Variants in TAFA1 observed in about 807,000 individuals in gnomAD.
TAFA1 encodes chemokine-like protein TAFA-1.
A neutral mutation model predicts 18.5 loss-of-function variants in TAFA1; 4 were observed. The observed-to-expected ratio is 0.22, with a 90% CI of 0.11 to 0.49. TAFA1 has a LOEUF of 0.49. Ranked by LOEUF, TAFA1 falls within the 20% of genes least tolerant of loss-of-function variation. The pLI, the probability that TAFA1 is intolerant of heterozygous loss-of-function variation, is 0.98. For missense variants in TAFA1, 147 were observed against 169.0 expected (o/e 0.87, Z 0.72); for synonymous variants, 56 against 55.2 (o/e 1.01, Z -0.06).
intron 3 of TAFA1, among the ~76,000 whole-genome samples, chr3:68,516,440 T>C (rs1233560949): frequency 1.3e-5 from 2 of 152,180 alleles, no homozygotes; most frequent in Admixed American, 1.3e-4. Context: ...TTTTTTAATG[T>C]GAATGCCAAC....
intron 2 of TAFA1, among the ~76,000 whole-genome samples, chr3:68,414,098 A>G (rs1262454066): frequency 6.6e-6 from 1 of 152,132 alleles, no homozygotes; most frequent in Non-Finnish European, 1.5e-5. Context: ...TGAGGTCGGG[A>G]GTTCGAGACC....
At chr3:68,163,244 C>A (rs2065946353) in intron 2 of TAFA1, among the ~76,000 whole-genome samples, 1 of 152,192 alleles carries the variant, frequency 6.6e-6, no homozygotes, top group African/African-American at 2.4e-5. Context: ...GGTGAAAAAT[C>A]ACAGGGTGAC....
chr3:68,357,435 C>T (rs73838720), intron 2 of TAFA1, among the ~76,000 whole-genome samples: 2,349 of 151,920 alleles, frequency 0.015, 55 homozygotes, highest in African/African-American at 0.052. Context: ...TCAAATCTCT[C>T]AGAAAACCAA....
chr3:68,257,437 CT>C (rs113497143), intron 2 of TAFA1, among the ~76,000 whole-genome samples: 2,191 of 142,180 alleles, frequency 0.015, 22 homozygotes, highest in African/African-American at 0.032. Context: ...CGGTGTCCAT[CT>C]TTTTTTTTTT....
intron 3 of TAFA1, among the ~76,000 whole-genome samples, chr3:68,435,611 A>G (rs1002726894): frequency 1.3e-5 from 2 of 152,196 alleles, no homozygotes; most frequent in Non-Finnish European, 2.9e-5. Context: ...TTTTAGGTCA[A>G]TGCTCTGATA....
chr3:68,275,472 G>C (rs2067776533), intron 2 of TAFA1, among the ~76,000 whole-genome samples: 1 of 150,146 alleles, frequency 6.7e-6, no homozygotes, highest in South Asian at 2.1e-4. Context: ...TCAGACTTCA[G>C]ATCATCCAAG....
At chr3:68,088,322 G>A (rs750380282) in intron 2 of TAFA1, among the ~76,000 whole-genome samples, 72 of 152,216 alleles carry the variant, frequency 4.7e-4, no homozygotes, top group Non-Finnish European at 8.8e-4. Flanking sequence ...ATAGATTTTG[G>A]TTTTTTTGAT....
chr3:68,040,084 C>A (rs1705133153), intron 2 of TAFA1, among the ~76,000 whole-genome samples: 1 of 152,144 alleles, frequency 6.6e-6, no homozygotes, highest in African/African-American at 2.4e-5. Context: ...AGGATATGGA[C>A]AGGACATTGA....
At position 68,540,258 on chromosome 3, in the gene TAFA1, C is replaced by T. The variant is rs114337112; in HGVS notation, c.384+1378C>T. Among the ~76,000 whole-genome samples the T allele has an allele frequency of 9.4e-3, 1,436 of 152,114 alleles. 11 individuals carry two copies. The highest frequency in any genetic ancestry group is 0.014 in the Non-Finnish European group (964 of 67,994). On this transcript the variant is annotated intron_variant, in intron 4 of 4. Transcript: ENST00000478136. ...TAAATGGCTATACATTTCCGGCTTG[C>T]GACCAGGAGGAACCTCTGAACCACC...
intron 2 of TAFA1, among the ~76,000 whole-genome samples, chr3:68,188,981 C>A (rs2066305781): frequency 6.6e-6 from 1 of 151,856 alleles, no homozygotes; most frequent in Non-Finnish European, 1.5e-5. Context: ...GACTGGTCAG[C>A]AGTTTTAGAT....
chr3:68,472,602 A>C (rs1370659913), intron 3 of TAFA1, among the ~76,000 whole-genome samples: 4 of 152,232 alleles, frequency 2.6e-5, no homozygotes, highest in Non-Finnish European at 5.9e-5. Flanking sequence ...ATATCTATAG[A>C]TATATATCTA....
intron 3 of TAFA1, among the ~76,000 whole-genome samples, chr3:68,508,989 G>A (rs777244294): frequency 6.6e-6 from 1 of 151,986 alleles, no homozygotes. Flanking sequence ...CAGCAATGAG[G>A]CCAAGAGTCC....
intron 2 of TAFA1, among the ~76,000 whole-genome samples, chr3:68,165,041 A>T (rs1246006287): frequency 1.3e-5 from 2 of 152,208 alleles, no homozygotes; most frequent in African/African-American, 4.8e-5. Context: ...CTCTTTGCAC[A>T]GTTGTTTAAG....
At chr3:68,542,239 C>T (rs941262851) in intron 4 of TAFA1, among the ~76,000 whole-genome samples, 1 of 152,130 alleles carries the variant, frequency 6.6e-6, no homozygotes, top group Admixed American at 6.6e-5. Flanking sequence ...TGGCAACACA[C>T]ACACTTCTGG....
At chr3:68,536,509 G>T (rs1471193815) in intron 3 of TAFA1, among the ~76,000 whole-genome samples, 1 of 152,170 alleles carries the variant, frequency 6.6e-6, no homozygotes, top group African/African-American at 2.4e-5. Context: ...CAACCAGAAA[G>T]CATCGTAAGA....
At chr3:68,146,488 G>A (rs926942579) in intron 2 of TAFA1, among the ~76,000 whole-genome samples, 3 of 152,144 alleles carry the variant, frequency 2.0e-5, no homozygotes, top group Admixed American at 2.0e-4. Context: ...ACACCCAAAG[G>A]ACTGTGGAAT....
chr3:68,178,116 C>A (rs557374066), intron 2 of TAFA1, among the ~76,000 whole-genome samples: 1 of 151,912 alleles, frequency 6.6e-6, no homozygotes, highest in African/African-American at 2.4e-5. Context: ...TGCACTCCAG[C>A]CTGGGTGAGA....
intron 2 of TAFA1, among the ~76,000 whole-genome samples, chr3:68,337,555 A>G (rs1372709151): frequency 4.6e-5 from 7 of 152,196 alleles, no homozygotes; most frequent in Admixed American, 4.6e-4. Context: ...CTATTTGGTG[A>G]GTTTGGACAC....
intron 3 of TAFA1, among the ~76,000 whole-genome samples, chr3:68,479,241 A>AAAAT (rs1353493315): frequency 0.11 from 13,104 of 122,646 alleles, 948 homozygotes; most frequent in Middle Eastern, 0.18. Flanking sequence ...AAAAAAAAAA[A>AAAAT]ATATATATAT....
Sources: allele counts gnomAD v4.1 joint callset (sites outside exome capture counted in the v4.1 genomes callset), GRCh38; gene constraint gnomAD v4.1.1; transcripts MANE v1.5; gene names NCBI Gene and HGNC (gene_info 2026-07-23, HGNC 2026-07-21).